ZFYVE9: variants seen among roughly 807,000 people sequenced by gnomAD.
ZFYVE9 encodes the protein zinc finger FYVE domain-containing protein 9.
In ZFYVE9, 43 loss-of-function variants were observed where a neutral mutation model predicts 126.7. That is an observed-to-expected ratio of 0.34 (90% CI 0.27 to 0.44). ZFYVE9 has a LOEUF of 0.44. Among genes scored for constraint, ZFYVE9 ranks in the 20% least tolerant of loss-of-function variants. The probability of loss-of-function intolerance (pLI) is 1.00; values close to 1 mark genes in which losing one functional copy is unlikely to be tolerated. For missense variants in ZFYVE9, 1,476 were observed against 1,697.0 expected, an observed-to-expected ratio of 0.87 and a Z score of 2.29; for synonymous variants, 521 against 597.4, an observed-to-expected ratio of 0.87 and a Z score of 1.87.
intron 3 of ZFYVE9, among the ~76,000 whole-genome samples, chr1:52,235,051 T>G (rs1423842294): frequency 6.6e-6 from 1 of 152,218 alleles, no homozygotes; most frequent in Non-Finnish European, 1.5e-5. Context: ...AATACATTTT[T>G]GTTGAATCAG....
chr1:52,315,836 C>G (rs979882116), intron 13 of ZFYVE9, among the ~76,000 whole-genome samples: 1 of 152,176 alleles, frequency 6.6e-6, no homozygotes, highest in Non-Finnish European at 1.5e-5. Flanking sequence ...AAGGAAGATT[C>G]ATCTGTATGT....
chr1:52,305,003 C>G (rs1374663756), intron 13 of ZFYVE9, among the ~76,000 whole-genome samples: 1 of 152,136 alleles, frequency 6.6e-6, no homozygotes, highest in Non-Finnish European at 1.5e-5. Flanking sequence ...TGCAGTAATG[C>G]AATCTTTCAT....
chr1:52,148,799 G>A (rs1193366548), intron 1 of ZFYVE9, among the ~76,000 whole-genome samples: 1 of 151,328 alleles, frequency 6.6e-6, no homozygotes, highest in Non-Finnish European at 1.5e-5. Context: ...GCGCCACCAT[G>A]CCTGGATAAG....
intron 4 of ZFYVE9, among the ~76,000 whole-genome samples, chr1:52,248,082 TCA>T (rs1290432129): frequency 2.6e-5 from 4 of 152,104 alleles, no homozygotes; most frequent in Non-Finnish European, 5.9e-5. Flanking sequence ...GAGAATCAAC[TCA>T]CATGGTTAGA....
chr1:52,252,290 CT>C (rs1302456301), intron 4 of ZFYVE9: 1 of 156,210 alleles, frequency 6.4e-6, no homozygotes, highest in African/African-American at 2.4e-5. Context: ...TTTTGGTAGA[CT>C]TTGAAAAATT....
chr1:52,280,829 T>G (rs114151376), intron 9 of ZFYVE9, among the ~76,000 whole-genome samples: 8,205 of 152,206 alleles, frequency 0.054, 241 homozygotes, highest in South Asian at 0.076. Flanking sequence ...TATATTAAAT[T>G]TAATAAATAT....
chr1:52,189,088 C>T (rs1644792563), intron 1 of ZFYVE9, among the ~76,000 whole-genome samples: 1 of 151,672 alleles, frequency 6.6e-6, no homozygotes, highest in Non-Finnish European at 1.5e-5. Context: ...CAGGCACCTA[C>T]CACCACGCCT....
rs191109469 is a variant in ZFYVE9, at chr1:52,247,049, G to A, written c.2178+7454G>A. Among the ~76,000 whole-genome samples, 176 of 151,880 alleles carry A rather than the reference G, an allele frequency of 1.2e-3. 1 individual carries two copies. The highest frequency in any genetic ancestry group is 2.4e-3 in the Admixed American group (37 of 15,272). On this transcript the variant is annotated intron_variant, in intron 4 of 18. Coordinates refer to ENST00000287727, the MANE Select transcript of ZFYVE9 (RefSeq NM_004799.4). The stretch of plus-strand genomic sequence containing the variant: ...ATTTAATGTTGCCCAGGCTGGTCTC[G>A]AAATCCTGGGCTCAAGGGATCCTCT...
At chr1:52,307,338 C>T (rs1646094861) in intron 13 of ZFYVE9, among the ~76,000 whole-genome samples, 1 of 152,004 alleles carries the variant, frequency 6.6e-6, no homozygotes, top group African/African-American at 2.4e-5. Flanking sequence ...AGGATTCAAG[C>T]AATTCTCCTA....
At chr1:52,299,074 C>T (rs530273584) in intron 12 of ZFYVE9, among the ~76,000 whole-genome samples, 4 of 152,228 alleles carry the variant, frequency 2.6e-5, no homozygotes, top group African/African-American at 7.2e-5. Context: ...TCCTAAAGTG[C>T]TGGGATTACA....
At chr1:52,174,486 T>C (rs1306375391) in intron 1 of ZFYVE9, among the ~76,000 whole-genome samples, 1 of 152,166 alleles carries the variant, frequency 6.6e-6, no homozygotes, top group African/African-American at 2.4e-5. Context: ...TTCTGTTGAT[T>C]TGGGGTGGAG....
intron 13 of ZFYVE9, among the ~76,000 whole-genome samples, chr1:52,321,970 T>C (rs1044071914): frequency 6.6e-6 from 1 of 152,218 alleles, no homozygotes; most frequent in Non-Finnish European, 1.5e-5. Flanking sequence ...ATCTTCCAAA[T>C]GTTTGTTTTA....
intron 13 of ZFYVE9, among the ~76,000 whole-genome samples, chr1:52,304,408 A>T (rs1569717543): frequency 2.0e-5 from 3 of 151,836 alleles, no homozygotes; most frequent in Admixed American, 1.3e-4. Flanking sequence ...GATTACAGGC[A>T]CCCGCCACCA....
chr1:52,321,611 T>C (rs1326114854), intron 13 of ZFYVE9, among the ~76,000 whole-genome samples: 4 of 152,202 alleles, frequency 2.6e-5, no homozygotes. Flanking sequence ...TTCTCTCTTG[T>C]GTACATGCCC....
intron 1 of ZFYVE9, among the ~76,000 whole-genome samples, chr1:52,169,804 C>A (rs1356636421): frequency 6.6e-6 from 1 of 152,086 alleles, no homozygotes. Context: ...AGATTTGACC[C>A]CAAAACTTGC....
chr1:52,148,647 CT>C (rs368564664), intron 1 of ZFYVE9, among the ~76,000 whole-genome samples: 191 of 143,968 alleles, frequency 1.3e-3, no homozygotes, highest in African/African-American at 1.4e-3. Flanking sequence ...ATATTTCTTT[CT>C]TTTTTTTTTT....
In ZFYVE9 at chr1:52,237,831, C is replaced by CCTGG. The variant is rs1392034149; in HGVS notation, c.417_420dup (p.Cys141GlyfsTer6). 1 of 1,613,902 alleles carries CCTGG rather than the reference C, an allele frequency of 6.2e-7. No homozygotes were observed. Among genetic ancestry groups the CCTGG allele is most frequent in the Non-Finnish European group, 8.5e-7 (1 of 1,179,948 alleles). On this transcript the variant is annotated frameshift_variant, in exon 4 of 19. Transcript: ENST00000287727. LOFTEE classifies it high-confidence loss of function. ...AAGTGGGAGAGAAGAAATGTGGAAA[C>CCTGG]CTGGCTTGTCTGCCAGATGAGAAGA...
At chr1:52,208,644 C>T (rs1644999421) in intron 1 of ZFYVE9, among the ~76,000 whole-genome samples, 1 of 152,066 alleles carries the variant, frequency 6.6e-6, no homozygotes, top group Non-Finnish European at 1.5e-5. Flanking sequence ...GGTGATTCTC[C>T]TGCCTTAGCC....
intron 1 of ZFYVE9, among the ~76,000 whole-genome samples, chr1:52,201,445 C>T (rs564599862): frequency 1.3e-4 from 18 of 141,462 alleles, no homozygotes; most frequent in Non-Finnish European, 2.6e-4. Flanking sequence ...GGCGCAATCT[C>T]GGCTCACTGC....
Sources: allele counts gnomAD v4.1 joint callset (sites outside exome capture counted in the v4.1 genomes callset), GRCh38; gene constraint gnomAD v4.1.1; transcripts MANE v1.5; gene names NCBI Gene and HGNC (gene_info 2026-07-23, HGNC 2026-07-21).